Variants in DNER observed in about 807,000 individuals in gnomAD.
The protein encoded by DNER is delta/notch like EGF repeat containing.
Under a neutral mutation model 78.2 loss-of-function variants are expected in DNER, and 33 were observed. The observed-to-expected ratio is 0.42, with a 90% CI of 0.32 to 0.56. The LOEUF (loss-of-function observed/expected upper bound fraction) is 0.56. Among genes scored for constraint, DNER ranks in the 20% least tolerant of loss-of-function variants. DNER has a pLI of 0.11. For synonymous variants in DNER, 417 were observed against 384.8 expected (o/e 1.08, Z -0.98); for missense variants, 918 against 975.3 (o/e 0.94, Z 0.78).
intron 1 of DNER, among the ~76,000 whole-genome samples, chr2:229,646,421 C>A (rs1181210940): frequency 6.6e-6 from 1 of 152,196 alleles, no homozygotes; most frequent in Non-Finnish European, 1.5e-5. Context: ...AACATCAAAA[C>A]TGATAAGTCA....
chr2:229,395,906 A>C (rs2106339440), intron 10 of DNER, among the ~76,000 whole-genome samples: 1 of 152,258 alleles, frequency 6.6e-6, no homozygotes. Flanking sequence ...TCAAAAAAAA[A>C]GCTTCCACCC....
At chr2:229,713,371 T>G (rs1405680955) in intron 1 of DNER, among the ~76,000 whole-genome samples, 1 of 152,206 alleles carries the variant, frequency 6.6e-6, no homozygotes, top group Non-Finnish European at 1.5e-5. Context: ...CTACATCCCA[T>G]CGTCCCATCC....
intron 1 of DNER, among the ~76,000 whole-genome samples, chr2:229,669,369 C>T (rs962944819): frequency 6.9e-6 from 1 of 144,748 alleles, no homozygotes; most frequent in South Asian, 2.2e-4. Context: ...TGTATACATA[C>T]ATATATATAT....
intron 1 of DNER, 30 bp downstream of exon 1, chr2:229,714,118 C>T: frequency 1.6e-6 from 2 of 1,279,112 alleles, no homozygotes; most frequent in Non-Finnish European, 9.9e-7. Context: ...CGGACCAGCG[C>T]CCCGCACCGC....
chr2:229,676,195 G>A (rs908196416), intron 1 of DNER, among the ~76,000 whole-genome samples: 3 of 152,206 alleles, frequency 2.0e-5, no homozygotes, highest in Non-Finnish European at 2.9e-5. Context: ...TACAAGAGGA[G>A]CATCACAGCT....
chr2:229,457,603 C>T (rs1248301788), intron 7 of DNER, among the ~76,000 whole-genome samples: 1 of 151,398 alleles, frequency 6.6e-6, no homozygotes, highest in South Asian at 2.1e-4. Context: ...TTCTATTTAC[C>T]CACCCACCCC....
chr2:229,540,076 T>A (rs150079937), intron 5 of DNER, among the ~76,000 whole-genome samples: 1 of 152,268 alleles, frequency 6.6e-6, no homozygotes, highest in East Asian at 1.9e-4. Flanking sequence ...TCAAAAGTCA[T>A]GTGTTCCCAC....
At position 229,558,467 on chromosome 2, in the gene DNER, A is replaced by C. The variant is rs143232942; in HGVS notation, c.848-11375T>G. Among the ~76,000 whole-genome samples the C allele has an allele frequency of 5.3e-5, 8 of 152,344 alleles. No individual in the cohort carries two copies. The East Asian group carries it at 1.5e-3, about 29-fold the overall frequency. On this transcript the variant is annotated intron_variant, in intron 4 of 12. Coordinates refer to ENST00000341772, the MANE Select transcript of DNER (RefSeq NM_139072.4). ...TTTTGTTATAAAAAGGCATTCTATC[A>C]TCATCTGATTTTTATAACCTTATAT...
intron 6 of DNER, among the ~76,000 whole-genome samples, chr2:229,483,973 T>A (rs1695219408): frequency 6.6e-6 from 1 of 152,212 alleles, no homozygotes; most frequent in Non-Finnish European, 1.5e-5. Context: ...ACTGTATACT[T>A]CTCATTACCT....
rs1406676512 is a variant in DNER at position 229,591,801 on chromosome 2, T to C, written c.364A>G (p.Ile122Val). 12 of 1,613,750 alleles carry C rather than the reference T, an allele frequency of 7.4e-6. No individual in the cohort carries two copies. The South Asian group carries it at 1.2e-4, about 16-fold the overall frequency. The change falls in exon 2 of 13, where the codon ATT becomes GTT. Residue 122 changes from isoleucine to valine, a missense_variant. By Grantham distance (29) the Ile-to-Val change is conservative. Coordinates refer to ENST00000341772, the MANE Select transcript of DNER (RefSeq NM_139072.4). This position sits in a 1 kb window ranked among gnomAD's most constrained non-coding sequence, Gnocchi z 4.6. ...SSSSSDGYLC[I>V]CNEGYEGPNC... ...GGACCTTCATAGCCTTCATTGCAAA[T>C]GCAGAGGTAGCCATCGCTGCTGCTG...
At chr2:229,603,603 A>C (rs906365489) in intron 1 of DNER, among the ~76,000 whole-genome samples, 1 of 152,190 alleles carries the variant, frequency 6.6e-6, no homozygotes, top group Admixed American at 6.5e-5. Context: ...TGAAGTCAGA[A>C]GAGTGATTAG....
chr2:229,562,381 G>A lies in DNER; in HGVS notation c.848-15289C>T, dbSNP rs572474284. On this transcript the variant is annotated intron_variant, in intron 4 of 12. Transcript: ENST00000341772. ...GCTTTATATTGAATAGGGAGGAGTGGGAACATCAACTTAGCAAAAGTGTCT... is the reference window on the plus strand; with the variant it reads ...GCTTTATATTGAATAGGGAGGAGTGAGAACATCAACTTAGCAAAAGTGTCT... 2.6e-5 allele frequency among the ~76,000 whole-genome samples: 4 copies of A among 152,092 alleles called. No individual in the cohort carries two copies. The East Asian group carries it at 7.7e-4, about 29-fold the overall frequency.
chr2:229,376,699 G>A (rs1242441940), intron 11 of DNER, among the ~76,000 whole-genome samples: 2 of 152,142 alleles, frequency 1.3e-5, no homozygotes, highest in Non-Finnish European at 2.9e-5. Context: ...TGAAGAGTGT[G>A]TATAAAACTC....
At chr2:229,496,439 T>C (rs1384780072) in intron 6 of DNER, among the ~76,000 whole-genome samples, 2 of 151,810 alleles carry the variant, frequency 1.3e-5, no homozygotes, top group African/African-American at 4.8e-5. Context: ...AAAAAGAGAG[T>C]AGTAAGTCCT....
intron 1 of DNER, among the ~76,000 whole-genome samples, chr2:229,620,272 G>A (rs1363011346): frequency 1.3e-5 from 2 of 152,136 alleles, no homozygotes; most frequent in African/African-American, 4.8e-5. Flanking sequence ...AGCAATTAAG[G>A]AACTGTCAAC....
intron 11 of DNER, among the ~76,000 whole-genome samples, chr2:229,369,145 T>C (rs753846889): frequency 6.6e-6 from 1 of 152,084 alleles, no homozygotes; most frequent in African/African-American, 2.4e-5. Flanking sequence ...TGCTGCAGCA[T>C]GAGTTAGGAA....
chr2:229,564,248 G>C (rs1364832122), intron 4 of DNER, among the ~76,000 whole-genome samples: 8 of 70,834 alleles, frequency 1.1e-4, no homozygotes, highest in Admixed American at 3.5e-4. Context: ...TCAACATCAT[G>C]ACAGCATCAC....
intron 4 of DNER, among the ~76,000 whole-genome samples, chr2:229,550,019 G>GTC (rs1696701138): frequency 6.6e-6 from 1 of 151,790 alleles, no homozygotes; most frequent in East Asian, 2.0e-4. Context: ...TTGAGACAAA[G>GTC]TCTCACTCTG....
rs1451745405 is a variant in DNER, at chr2:229,595,174, C to G, written c.277-3286G>C. On this transcript the variant is annotated intron_variant, in intron 1 of 12. Transcript: ENST00000341772. ...TATTTTAGTTCATCCTTACAGCAAC[C>G]CTTTTGGTAAGTACATTTGTACATT... Among the ~76,000 whole-genome samples, 3 of 152,000 alleles carry G rather than the reference C, an allele frequency of 2.0e-5. No individual in the cohort carries two copies. The East Asian group carries it at 5.8e-4, about 29-fold the overall frequency.
Sources: gnomAD v4.1 joint callset for allele counts (sites outside exome capture counted in the v4.1 genomes callset) on GRCh38, gnomAD v4.1.1 for gene constraint, Gnocchi (gnomAD v3.1) non-coding constraint, MANE v1.5 for transcripts, NCBI Gene and HGNC (gene_info 2026-07-23, HGNC 2026-07-21) for gene names.